The following EYA4 variants were observed in gnomAD, a reference collection of about 807,000 sequenced individuals.
EYA4 encodes the protein protein phosphatase EYA4.
In EYA4, 31 loss-of-function variants were observed where a neutral mutation model predicts 87.9. That is an observed-to-expected ratio of 0.35 (90% CI 0.27 to 0.48). The LOEUF (loss-of-function observed/expected upper bound fraction) is 0.48, where lower values mean the gene tolerates loss of function less well. Among genes scored for constraint, EYA4 ranks in the 20% least tolerant of loss-of-function variants. The pLI, the probability that EYA4 is intolerant of heterozygous loss-of-function variation, is 0.99. For synonymous variants in EYA4, 263 were observed against 270.6 expected (o/e 0.97, Z 0.28); for missense variants, 678 against 761.4 (o/e 0.89, Z 1.29).
At chr6:133,364,740 A>G (rs1784728458) in intron 2 of EYA4, among the ~76,000 whole-genome samples, 1 of 152,192 alleles carries the variant, frequency 6.6e-6, no homozygotes. Flanking sequence ...CTGATAGTCA[A>G]AGTATTTGAT....
intron 1 of EYA4, among the ~76,000 whole-genome samples, chr6:133,249,086 T>C (rs1042111059): frequency 6.6e-6 from 1 of 152,220 alleles, no homozygotes; most frequent in Non-Finnish European, 1.5e-5. Context: ...CTTATCAGTG[T>C]TGCTGAAGAC....
At chr6:133,293,210 C>T (rs1778630269) in intron 2 of EYA4, among the ~76,000 whole-genome samples, 1 of 152,062 alleles carries the variant, frequency 6.6e-6, no homozygotes, top group African/African-American at 2.4e-5. Context: ...AATGTATGCC[C>T]AGATAACTGT....
intron 13 of EYA4, among the ~76,000 whole-genome samples, chr6:133,484,624 A>G (rs575953516): frequency 3.6e-4 from 55 of 152,368 alleles, no homozygotes; most frequent in African/African-American, 1.2e-3. Context: ...TGCAATATAA[A>G]AAGTTTCCAG....
At chr6:133,499,962 A>G (rs1366127411) in intron 13 of EYA4, among the ~76,000 whole-genome samples, 1 of 151,652 alleles carries the variant, frequency 6.6e-6, no homozygotes. Flanking sequence ...TCTCATTATA[A>G]TATCTTATAG....
chr6:133,528,960 A>G lies in EYA4; in HGVS notation c.*155A>G. The G allele has an allele frequency of 6.7e-7, 1 of 1,501,822 alleles. No homozygotes were observed. The highest frequency in any genetic ancestry group is 2.0e-5 in the Admixed American group (1 of 48,852). The allele number at this position is 1,501,822 out of a possible 1,614,324, so 93.0% of individuals were successfully genotyped here. ...CCAGAATGAAGAATTCAGATTGCTG[A>G]ATGGAGTTAAACTTTAGTGCTACAG... is the stretch of plus-strand genomic sequence containing the variant. On this transcript the variant is annotated 3_prime_UTR_variant, in exon 20 of 20. Transcript: ENST00000355286.
chr6:133,307,841 G>A (rs1779922975), intron 2 of EYA4, among the ~76,000 whole-genome samples: 1 of 152,150 alleles, frequency 6.6e-6, no homozygotes, highest in Admixed American at 6.6e-5. Context: ...TAGTGATATG[G>A]TTTGATTGTG....
intron 2 of EYA4, among the ~76,000 whole-genome samples, chr6:133,317,261 A>G (rs978035606): frequency 1.8e-4 from 28 of 152,206 alleles, no homozygotes; most frequent in Admixed American, 2.6e-4. Context: ...AGGTGTGTGC[A>G]GATCTTCATG....
At chr6:133,426,511 A>G (rs556921125) in intron 3 of EYA4, among the ~76,000 whole-genome samples, 2 of 152,310 alleles carry the variant, frequency 1.3e-5, no homozygotes, top group Admixed American at 1.3e-4. Context: ...TATGTCAGTA[A>G]ATTATCCCTC....
At chr6:133,482,357 G>T (rs555271614) in intron 12 of EYA4, among the ~76,000 whole-genome samples, 1 of 152,172 alleles carries the variant, frequency 6.6e-6, no homozygotes, top group Admixed American at 6.5e-5. Flanking sequence ...ATGAGTGACC[G>T]GGCTGAGTTG....
chr6:133,487,263 C>A (rs1406489174), intron 13 of EYA4, among the ~76,000 whole-genome samples: 1 of 152,208 alleles, frequency 6.6e-6, no homozygotes, highest in African/African-American at 2.4e-5. Flanking sequence ...ATCATCACCA[C>A]CATGGGATAA....
At chr6:133,511,228 G>C (rs897306041) in intron 14 of EYA4, among the ~76,000 whole-genome samples, 2 of 152,070 alleles carry the variant, frequency 1.3e-5, no homozygotes, top group East Asian at 3.9e-4. Context: ...TGAAATATTT[G>C]ACTGCCAGAT....
intron 13 of EYA4, among the ~76,000 whole-genome samples, chr6:133,505,732 A>G (rs1403315061): frequency 6.6e-6 from 1 of 152,128 alleles, no homozygotes; most frequent in South Asian, 2.1e-4. Flanking sequence ...CTTTCTTTTT[A>G]GTAAGTTTGC....
chr6:133,333,233 A>G (rs1477262865), intron 2 of EYA4, among the ~76,000 whole-genome samples: 1 of 152,236 alleles, frequency 6.6e-6, no homozygotes, highest in African/African-American at 2.4e-5. Flanking sequence ...CATGCCTGGT[A>G]CATAGTATTC....
intron 17 of EYA4, among the ~76,000 whole-genome samples, chr6:133,522,174 T>TG (rs1056466634): frequency 3.3e-5 from 5 of 150,992 alleles, no homozygotes; most frequent in East Asian, 2.0e-4. Flanking sequence ...GAGTAGTTTT[T>TG]TTTTTTTTTT....
intron 1 of EYA4, among the ~76,000 whole-genome samples, chr6:133,268,873 C>T (rs141325315): frequency 2.0e-4 from 31 of 152,200 alleles, no homozygotes; most frequent in Non-Finnish European, 3.8e-4. Flanking sequence ...TTTTCCATCA[C>T]GGTTTCTTAG....
chr6:133,254,137 C>T (rs1199816291), intron 1 of EYA4, among the ~76,000 whole-genome samples: 1 of 152,108 alleles, frequency 6.6e-6, no homozygotes, highest in Non-Finnish European at 1.5e-5. Context: ...GTATGTCCGG[C>T]GTACATTGGT....
chr6:133,439,873 G>A (rs943451301), intron 3 of EYA4, among the ~76,000 whole-genome samples: 7 of 152,174 alleles, frequency 4.6e-5, no homozygotes, highest in Non-Finnish European at 1.0e-4. Flanking sequence ...CTAAACACAG[G>A]TACTCTAATA....
At chr6:133,473,494 C>G (rs561675233) in intron 11 of EYA4, among the ~76,000 whole-genome samples, 1 of 151,976 alleles carries the variant, frequency 6.6e-6, no homozygotes, top group Non-Finnish European at 1.5e-5. Flanking sequence ...TTTTAAGCAA[C>G]AGCCAAGATA....
chr6:133,255,664 T>C (rs1178109995), intron 1 of EYA4, among the ~76,000 whole-genome samples: 2 of 152,126 alleles, frequency 1.3e-5, no homozygotes, highest in Non-Finnish European at 2.9e-5. Context: ...TTATTTTCAT[T>C]TTACATTTTT....
Sources: gnomAD v4.1 joint callset for allele counts (sites outside exome capture counted in the v4.1 genomes callset) on GRCh38, gnomAD v4.1.1 for gene constraint, MANE v1.5 for transcripts, NCBI Gene and HGNC (gene_info 2026-07-23, HGNC 2026-07-21) for gene names.